Variants in CYP11B1 observed in about 807,000 individuals in gnomAD.
The protein encoded by CYP11B1 is cytochrome P450 family 11 subfamily B member 1.
Under a neutral mutation model 48.3 loss-of-function variants are expected in CYP11B1, and 34 were observed. That is an observed-to-expected ratio of 0.70 (90% confidence interval 0.54 to 0.94). CYP11B1 has a LOEUF of 0.94. Ranked by LOEUF, CYP11B1 falls within the 40% of genes least tolerant of loss-of-function variation. The pLI, the probability that CYP11B1 is intolerant of heterozygous loss-of-function variation, is 0.00. For missense variants in CYP11B1, 688 were observed against 657.4 expected (o/e 1.05, Z -0.51); for synonymous variants, 291 against 262.5 (o/e 1.11, Z -1.05).
At position 142,876,898 on chromosome 8, in the gene CYP11B1, T is replaced by C. The variant is rs372858727; in HGVS notation, c.596-13A>G. 2.3e-5 allele frequency: 37 copies of C among 1,614,054 alleles called. No individual in the cohort carries two copies. The African/African-American group carries it at 4.0e-4, about 17-fold the overall frequency. ...GCCAAGTTGCTGGCTGCGGGGAGGATGCACTGCTGAGCACAAGGCAGCCCC... is the reference window on the plus strand; with the variant it reads ...GCCAAGTTGCTGGCTGCGGGGAGGACGCACTGCTGAGCACAAGGCAGCCCC... On this transcript the variant is annotated splice_polypyrimidine_tract_variant and intron_variant, in intron 3 of 8. Coordinates refer to ENST00000292427, the MANE Select transcript of CYP11B1 (RefSeq NM_000497.4).
chr8:142,874,535 C>T lies in CYP11B1; in HGVS notation c.1399-49G>A, dbSNP rs1297961580. On this transcript the variant is annotated intron_variant, in intron 8 of 8. Transcript: ENST00000292427. ...TCTGGCTTGGTCCGCAGCCCATGCA[C>T]GTGGTGCAGCCTTCTCAGACCCTCA... 16 of 1,271,310 alleles carry T rather than the reference C, an allele frequency of 1.3e-5. No homozygotes were observed. In the East Asian group the frequency reaches 2.8e-4, roughly 22 times the overall value. The allele number at this position is 1,271,310 out of a possible 1,614,324, so 78.8% of individuals were successfully genotyped here. A position where few individuals can be genotyped will look rare whatever the true frequency, so the allele number is the denominator to read the frequency against.
At chr8:142,874,527 C>A (rs1203882369) in intron 8 of CYP11B1, 41 bp from the exon 9 acceptor site, 1 of 1,383,044 alleles carries the variant, frequency 7.2e-7, no homozygotes, top group African/African-American at 1.4e-5. Context: ...TGGTCCGCAG[C>A]CCATGCACGT....
In CYP11B1 at chr8:142,872,897, C is replaced by G. The variant is rs1325854085; in HGVS notation, c.*1476G>C. On this transcript the variant is annotated 3_prime_UTR_variant, in exon 9 of 9. Coordinates refer to ENST00000292427, the MANE Select transcript of CYP11B1 (RefSeq NM_000497.4). ...AAGAGGTCTCTGTGAGCTGTCTTGC[C>G]CTTTTCCACCATGTGAGGACACAGC... 2 of 152,258 alleles carry G rather than the reference C, an allele frequency of 1.3e-5. No individual in the cohort carries two copies. The highest frequency in any genetic ancestry group is 3.9e-4 in the East Asian group (2 of 5,174). 9.4% of individuals were successfully genotyped at this position (152,258 alleles called of 1,614,324 possible).
At chr8:142,877,568 G>A (rs1817002212) in intron 2 of CYP11B1, among the ~76,000 whole-genome samples, 1 of 152,180 alleles carries the variant, frequency 6.6e-6, no homozygotes, top group Non-Finnish European at 1.5e-5. Flanking sequence ...TGCAAGAAAG[G>A]AACTGACCCC....
Position 142,876,290 on chromosome 8 carries a change from T to G in CYP11B1, c.905A>C (p.Asp302Ala). 3 of 1,614,208 alleles carry G rather than the reference T, an allele frequency of 1.9e-6. No homozygotes were observed. Among genetic ancestry groups the G allele is most frequent in the Non-Finnish European group, 2.5e-6 (3 of 1,180,036 alleles). ...TTCCATAGAGTTGGCCTTGATGGCATCTGGCGACAGTTCCGCATTCAACAG... is the reference window on the plus strand; with the variant it reads ...TTCCATAGAGTTGGCCTTGATGGCAGCTGGCGACAGTTCCGCATTCAACAG... ...ELLLNAELSP[D>A]AIKANSMELT... Residue 302 changes from aspartate (D) to alanine (A), a missense_variant, in exon 5 of 9, where the codon GAT becomes GCT. Transcript: ENST00000292427.
chr8:142,879,286 C>A (rs1334787055), intron 1 of CYP11B1, 99 bp from the exon 2 acceptor site: 1 of 1,608,520 alleles, frequency 6.2e-7, no homozygotes, highest in East Asian at 2.2e-5. Context: ...ACCCTCCCCT[C>A]TCCTGGATTA....
Position 142,874,059 on chromosome 8 carries a change from G to T in CYP11B1, c.*314C>A. Reference sequence around the variant, plus strand: ...GACAAAACCACAGCACCCTTGTATGGCCACACGAGGAGCCTGGAGCCAGCA... The same window carrying T: ...GACAAAACCACAGCACCCTTGTATGTCCACACGAGGAGCCTGGAGCCAGCA... On this transcript the variant is annotated 3_prime_UTR_variant, in exon 9 of 9. Transcript: ENST00000292427. The T allele has an allele frequency of 2.2e-6, 1 of 451,664 alleles. No individual in the cohort carries two copies. The highest frequency in any genetic ancestry group is 4.1e-6 in the Non-Finnish European group (1 of 243,406). 28.0% of individuals were successfully genotyped at this position (451,664 alleles called of 1,614,324 possible).
In CYP11B1 at chr8:142,873,888, G is replaced by C. The variant is rs886062737; in HGVS notation, c.*485C>G. 1 of 217,204 alleles carries C rather than the reference G, an allele frequency of 4.6e-6. No homozygotes were observed. The highest frequency in any genetic ancestry group is 9.4e-6 in the Non-Finnish European group (1 of 106,228). 13.5% of individuals were successfully genotyped at this position (217,204 alleles called of 1,614,324 possible). On this transcript the variant is annotated 3_prime_UTR_variant, in exon 9 of 9. Coordinates refer to ENST00000292427, the MANE Select transcript of CYP11B1 (RefSeq NM_000497.4). ...CTTTCAGAGAGCTCAGGGCATGCTC[G>C]AGCTGCCTAGGGGTCAGGCTGCAGG...
intron 1 of CYP11B1, 85 bp downstream of exon 1, chr8:142,879,490 A>G (rs778234800): frequency 3.7e-6 from 6 of 1,613,874 alleles, no homozygotes; most frequent in South Asian, 1.1e-5. Flanking sequence ...CCTGCTGGGA[A>G]TGGCAGTGCT....
In CYP11B1 at chr8:142,877,041, A is replaced by G. The variant is rs1255053763; in HGVS notation, c.577T>C (p.Phe193Leu). The G allele has an allele frequency of 6.2e-7, 1 of 1,613,382 alleles. No individual in the cohort carries two copies. Among genetic ancestry groups the G allele is most frequent in the African/African-American group, 1.3e-5 (1 of 74,874 alleles). The change falls in exon 3 of 9, where the codon TTC becomes CTC. Residue 193 changes from phenylalanine to leucine, a missense_variant. Coordinates refer to ENST00000292427, the MANE Select transcript of CYP11B1 (RefSeq NM_000497.4). The stretch of plus-strand genomic sequence containing the variant: ...CCCACACCTTCTATGGTGTAGTGGA[A>G]GATGCTGGGCTGGACGTCCAGGGTC... ...SLTLDVQPSI[F>L]HYTIEASNLA...
intron 5 of CYP11B1, 154 bp downstream of exon 5, chr8:142,876,087 G>C (rs1816937480): frequency 8.1e-6 from 10 of 1,235,054 alleles, no homozygotes; most frequent in Non-Finnish European, 1.2e-5. Context: ...ATGGCAACCT[G>C]CAAACGTGTT....
chr8:142,875,083 G>C lies in CYP11B1; in HGVS notation c.1272C>G (p.Asn424Lys), dbSNP rs4998903. Reference protein sequence around the residue: ...PALFPRPERYNPQRWLDIRGS... With the variant: ...PALFPRPERYKPQRWLDIRGS... ...CCCTGATGTCTAGCCAGCGCTGGGG[G>C]TTATAGCGCTCAGGCCTCGGGAACA... The change falls in exon 8 of 9, where the codon AAC becomes AAG. Residue 424 changes from asparagine to lysine, a missense_variant. Asn to Lys is a moderately conservative substitution (Grantham distance 94, BLOSUM62 0). Transcript: ENST00000292427. 2.5e-6 allele frequency: 4 copies of C among 1,614,120 alleles called. No homozygotes were observed. In the African/African-American group the frequency reaches 5.3e-5, roughly 22 times the overall value.
rs1241085584 is a variant in CYP11B1, at chr8:142,879,114, T to C, written c.313A>G (p.Ser105Gly). Residue 105 changes from serine (S) to glycine (G), a missense_variant, in exon 2 of 9, where the codon AGC becomes GGC. Transcript: ENST00000292427. Reference sequence around the variant, plus strand: ...AGGCTCATCCTGTGGGGATGCAGGCTGTCCACCTGTTGCAGCTTCTCCACG... The same window carrying C: ...AGGCTCATCCTGTGGGGATGCAGGCCGTCCACCTGTTGCAGCTTCTCCACG... ...EDVEKLQQVD[S>G]LHPHRMSLEP... 3.7e-6 allele frequency: 6 copies of C among 1,614,096 alleles called. No individual in the cohort carries two copies. In the South Asian group the frequency reaches 4.4e-5, roughly 12 times the overall value.
In CYP11B1 at chr8:142,875,721, T is replaced by G. The variant is rs368944209; in HGVS notation, c.1112A>C (p.Glu371Ala). 6.2e-7 allele frequency: 1 copy of G among 1,613,828 alleles called. No individual in the cohort carries two copies. The highest frequency in any genetic ancestry group is 1.7e-5 in the Admixed American group (1 of 60,004). ...CTCAGCCAGCACCCACCGCAAGGTC[T>G]CCTTGAGGGCCGCACGCAGCAAGGG... is the stretch of plus-strand genomic sequence containing the variant. ...ELPLLRAALK[E>A]TLRLYPVGLF... is the part of the protein sequence containing the mutation. The change falls in exon 6 of 9, where the codon GAG becomes GCG. Residue 371 changes from glutamate to alanine, a missense_variant. Transcript: ENST00000292427.
At chr8:142,878,508 C>T (rs1388873591) in intron 2 of CYP11B1, among the ~76,000 whole-genome samples, 2 of 152,360 alleles carry the variant, frequency 1.3e-5, no homozygotes, top group African/African-American at 4.8e-5. Context: ...TCGTGCCTTG[C>T]TTCTGAGAAC....
rs1418650345 is a variant in CYP11B1 at position 142,875,268 on chromosome 8, T to C, written c.1166A>G (p.Asp389Gly). Reference protein sequence around the residue: ...GLFLERVASSDLVLQNYHIPA... With the variant: ...GLFLERVASSGLVLQNYHIPA... ...GATGTGGTAGTTCTGAAGCACCAAG[T>C]CTGAGCTCGCCACTCGCTCCAGAAA... Residue 389 changes from aspartate to glycine, a missense_variant, in exon 7 of 9, where the codon GAC becomes GGC. Coordinates refer to ENST00000292427, the MANE Select transcript of CYP11B1 (RefSeq NM_000497.4). The C allele has an allele frequency of 6.2e-7, 1 of 1,613,756 alleles. No individual in the cohort carries two copies. Among genetic ancestry groups the C allele is most frequent in the Non-Finnish European group, 8.5e-7 (1 of 1,180,000 alleles).
intron 1 of CYP11B1, 70 bp downstream of exon 1, chr8:142,879,505 G>T (rs757622420): frequency 6.8e-6 from 11 of 1,613,980 alleles, no homozygotes; most frequent in Admixed American, 5.0e-5. Context: ...AGTGCTGAGT[G>T]CCCGGCAGGG....
At chr8:142,874,674 C>T (rs1342681327) in intron 8 of CYP11B1, among the ~76,000 whole-genome samples, 188 bp from the exon 9 acceptor site, 1 of 152,110 alleles carries the variant, frequency 6.6e-6, no homozygotes, top group East Asian at 1.9e-4. Flanking sequence ...CCAGGTATTG[C>T]CCAAGCCCCA....
rs1156410199 is a variant in CYP11B1 at position 142,877,646 on chromosome 8, T to TC, written c.396-425dup. 2.7e-6 allele frequency: 3 copies of TC among 1,117,314 alleles called. No homozygotes were observed. In the African/African-American group the frequency reaches 4.8e-5, roughly 18 times the overall value. The allele number at this position is 1,117,314 out of a possible 1,614,324, so 69.2% of individuals were successfully genotyped here. ...GGGAGAGCCCCTGGCTGCCCTCTCC[T>TC]CCCCGCCCTTCCCTGCCCTGGGCAC... On this transcript the variant is annotated intron_variant, in intron 2 of 8. Transcript: ENST00000292427.
Sources: allele counts gnomAD v4.1 joint callset (sites outside exome capture counted in the v4.1 genomes callset), GRCh38; gene constraint gnomAD v4.1.1; transcripts MANE v1.5; gene names NCBI Gene and HGNC (gene_info 2026-07-23, HGNC 2026-07-21).